The following SCN4A variants were observed in gnomAD, a reference collection of about 807,000 sequenced individuals.
The protein encoded by SCN4A is sodium voltage-gated channel alpha subunit 4.
In SCN4A, 83 loss-of-function variants were observed where a neutral mutation model predicts 162.0. The ratio of observed to expected loss-of-function variants is 0.51; its 90% confidence interval spans 0.43 to 0.61. SCN4A has a LOEUF of 0.61. Ranked by LOEUF, SCN4A falls within the 20% of genes least tolerant of loss-of-function variation. The pLI is 0.00. For missense variants in SCN4A, 2,196 were observed against 2,462.5 expected (o/e 0.89, Z 2.29); for synonymous variants, 944 against 985.1 (o/e 0.96, Z 0.78).
chr17:63,963,105 C>T (rs940908315), intron 10 of SCN4A, among the ~76,000 whole-genome samples: 5 of 152,156 alleles, frequency 3.3e-5, no homozygotes, highest in African/African-American at 9.7e-5. Flanking sequence ...TCCATCCGTC[C>T]GTCCATCCAT....
rs546117234 is a variant in SCN4A, at chr17:63,951,316, C to G, written c.2853+108G>C. The G allele has an allele frequency of 6.6e-6, 5 of 752,416 alleles. No individual in the cohort carries two copies. In the East Asian group the frequency reaches 8.0e-5, roughly 12 times the overall value. The allele number at this position is 752,416 out of a possible 1,614,324, so 46.6% of individuals were successfully genotyped here. A position where few individuals can be genotyped will look rare whatever the true frequency, so the allele number is the denominator to read the frequency against. On this transcript the variant is annotated intron_variant, in intron 14 of 23. Coordinates refer to ENST00000435607, the MANE Select transcript of SCN4A (RefSeq NM_000334.4). The surrounding 1 kb of genome is among the most constrained non-coding windows in gnomAD (Gnocchi z 4.5). Reference sequence around the variant, plus strand: ...CTTGCAACAATGCCATAGGGCACCACCCCCATTTTACAGCTGGAGAAACTG... The same window carrying G: ...CTTGCAACAATGCCATAGGGCACCAGCCCCATTTTACAGCTGGAGAAACTG...
At chr17:63,968,399 G>A (rs757359397) in intron 5 of SCN4A, 44 bp from the exon 6 acceptor site, 5 of 1,506,820 alleles carry the variant, frequency 3.3e-6, no homozygotes, top group Non-Finnish European at 4.5e-6. Flanking sequence ...GGCAGGGCAG[G>A]GTGATAACAG....
chr17:63,941,553 AGCAGATGCCGATGGAGGGGTTGCC>A lies in SCN4A; in HGVS notation c.4705_4728del (p.Gly1569_Cys1576del). 1 of 1,614,086 alleles carries A rather than the reference AGCAGATGCCGATGGAGGGGTTGCC, an allele frequency of 6.2e-7. No homozygotes were observed. ...GAGATGATGATATAGCTGCAGAAGA[AGCAGATGCCGATGGAGGGGTTGCC>A]GCAGTCACCCTTGACACTGGTGCCC... On this transcript the variant is annotated inframe_deletion, in exon 24 of 24. Transcript: ENST00000435607. The surrounding 1 kb of genome is among the most constrained non-coding windows in gnomAD (Gnocchi z 6.2).
In SCN4A at chr17:63,964,518, ACTC is replaced by A. The variant is rs745793970; in HGVS notation, c.1399_1401del (p.Glu467del). ...TTGAACTTCTCAAGCATCTGCTGAA[ACTC>A]CTCCTCTTTCTCCTTATCCTCGGCC... is the stretch of plus-strand genomic sequence containing the variant. On this transcript the variant is annotated inframe_deletion, in exon 9 of 24. Coordinates refer to ENST00000435607, the MANE Select transcript of SCN4A (RefSeq NM_000334.4). 18 of 1,612,012 alleles carry A rather than the reference ACTC, an allele frequency of 1.1e-5. No individual in the cohort carries two copies. In the Admixed American group the frequency reaches 1.2e-4, roughly 10 times the overall value.
chr17:63,953,192 C>G (rs1316431494), intron 13 of SCN4A, among the ~76,000 whole-genome samples: 2 of 152,056 alleles, frequency 1.3e-5, no homozygotes, highest in African/African-American at 2.4e-5. Flanking sequence ...AACCCCGTCT[C>G]TACTAAAAAT....
chr17:63,947,175 G>T lies in SCN4A; in HGVS notation c.3319-8C>A. On this transcript the variant is annotated splice_polypyrimidine_tract_variant and splice_region_variant and intron_variant, in intron 17 of 23. Transcript: ENST00000435607. ...CAAGCTGATGATGGAGACCTGCAGG[G>T]GAGGGGTGAGGGGATCAGTGCGTGC... is the stretch of plus-strand genomic sequence containing the variant. 2 of 1,612,942 alleles carry T rather than the reference G, an allele frequency of 1.2e-6. No individual in the cohort carries two copies. The highest frequency in any genetic ancestry group is 1.7e-6 in the Non-Finnish European group (2 of 1,179,772).
At chr17:63,948,470 C>A in intron 16 of SCN4A, 141 bp downstream of exon 16, 2 of 687,014 alleles carry the variant, frequency 2.9e-6, no homozygotes, top group South Asian at 4.2e-5. Flanking sequence ...ATCCCGGAGG[C>A]ACAGCGAGTT....
chr17:63,969,651 CT>C (rs376049044), intron 5 of SCN4A, among the ~76,000 whole-genome samples: 53 of 150,152 alleles, frequency 3.5e-4, no homozygotes, highest in Non-Finnish European at 5.8e-4. Context: ...CTTTTCTTTT[CT>C]TTTTTTTTTG....
rs541455106 is a variant in SCN4A, at chr17:63,971,713, C to T, written c.611+9G>A. On this transcript the variant is annotated intron_variant, in intron 4 of 23. Transcript: ENST00000435607. ...CCCAGCCTCAGGATGTCCTGGGGCC[C>T]CTGCTCACGCCATCATGATGACACT... is the stretch of plus-strand genomic sequence containing the variant. 16 of 1,579,354 alleles carry T rather than the reference C, an allele frequency of 1.0e-5. No homozygotes were observed. The African/African-American group carries it at 1.8e-4, about 17-fold the overall frequency.
intron 13 of SCN4A, among the ~76,000 whole-genome samples, chr17:63,954,676 G>A (rs1253371753): frequency 1.3e-5 from 2 of 152,200 alleles, no homozygotes; most frequent in Non-Finnish European, 2.9e-5. Context: ...GCAGACACCT[G>A]CTTCTCTGAA....
At chr17:63,964,324 C>T (rs1909363099) in intron 9 of SCN4A, 144 bp downstream of exon 9, 2 of 668,120 alleles carry the variant, frequency 3.0e-6, no homozygotes, top group East Asian at 2.7e-5. Context: ...AGCTCCCAGC[C>T]CAGGGCCTTC....
Position 63,941,676 on chromosome 17 carries a change from C to A in SCN4A, c.4606G>T (p.Ala1536Ser). The A allele has an allele frequency of 6.2e-7, 1 of 1,614,096 alleles. No homozygotes were observed. Among genetic ancestry groups the A allele is most frequent in the Non-Finnish European group, 8.5e-7 (1 of 1,180,014 alleles). Residue 1536 changes from alanine (A) to serine (S), a missense_variant, in exon 24 of 24, where the codon GCC becomes TCC. Physicochemically the swap from Ala to Ser is moderately conservative, Grantham distance 99. Transcript: ENST00000435607. This position sits in a 1 kb window ranked among gnomAD's most constrained non-coding sequence, Gnocchi z 6.2. ...GGGTTGAGGAGCCCGTCCCAGCCGG[C>A]CGACGTGGTGATCTCGAACAGGCAG... ...IICLFEITTS[A>S]GWDGLLNPIL...
Position 63,948,705 on chromosome 17 carries a change from C to T in SCN4A, c.3050G>A (p.Trp1017Ter). ...GAAGCAGGCCCTGCGCAGAGTCCACCACTTCTTCCCACGGCCCTGGGAGAT... is the reference window on the plus strand; with the variant it reads ...GAAGCAGGCCCTGCGCAGAGTCCACTACTTCTTCCCACGGCCCTGGGAGAT... ...VDISQGRGKK[W>*]WTLRRACFKI... The change falls in exon 16 of 24, where the codon TGG (tryptophan) becomes TAG (stop). Residue 1017 changes from tryptophan (W) to a stop codon, truncating the protein, a stop_gained. Transcript: ENST00000435607. LOFTEE classifies it high-confidence loss of function. 6.2e-7 allele frequency: 1 copy of T among 1,613,516 alleles called. No homozygotes were observed. The highest frequency in any genetic ancestry group is 1.1e-5 in the South Asian group (1 of 91,058).
At position 63,944,565 on chromosome 17, in the gene SCN4A, G is replaced by T. The variant is rs1252519522; in HGVS notation, c.3912+108C>A. 1.6e-6 allele frequency: 2 copies of T among 1,273,178 alleles called. No individual in the cohort carries two copies. Among genetic ancestry groups the T allele is most frequent in the African/African-American group, 1.5e-5 (1 of 67,184 alleles). The allele number at this position is 1,273,178 out of a possible 1,614,324, so 78.9% of individuals were successfully genotyped here. On this transcript the variant is annotated intron_variant, in intron 21 of 23. Transcript: ENST00000435607. The surrounding 1 kb of genome is among the most constrained non-coding windows in gnomAD (Gnocchi z 4.3). ...AGCTAGCTGCCTGAACCAACAACCT[G>T]GTAGGTGCTCAGGCAGCGTTTGTGG...
chr17:63,941,054 A>G lies in SCN4A; in HGVS notation c.5228T>C (p.Leu1743Pro). 1 of 1,613,914 alleles carries G rather than the reference A, an allele frequency of 6.2e-7. No homozygotes were observed. Among genetic ancestry groups the G allele is most frequent in the Non-Finnish European group, 8.5e-7 (1 of 1,179,854 alleles). ...KIQRAYRRHLLQRSMKQASYM... is the reference protein window; with the variant it reads ...KIQRAYRRHLPQRSMKQASYM... ...GGATGCCTGCTTCATGGAGCGCTGTAGCAGGTGCCGGCGGTAGGCCCTCTG... is the reference window on the plus strand; with the variant it reads ...GGATGCCTGCTTCATGGAGCGCTGTGGCAGGTGCCGGCGGTAGGCCCTCTG... Residue 1743 changes from leucine to proline, a missense_variant, in exon 24 of 24, where the codon CTA becomes CCA. Leu to Pro is a moderately conservative substitution (Grantham distance 98). Coordinates refer to ENST00000435607, the MANE Select transcript of SCN4A (RefSeq NM_000334.4). This position sits in a 1 kb window ranked among gnomAD's most constrained non-coding sequence, Gnocchi z 6.2.
chr17:63,947,755 G>A, intron 17 of SCN4A, 135 bp downstream of exon 17: 1 of 812,420 alleles, frequency 1.2e-6, no homozygotes, highest in Non-Finnish European at 1.9e-6. Context: ...GTCTGAGAAG[G>A]GCAGCACTGA....
chr17:63,960,005 A>G (rs998239332), intron 11 of SCN4A, among the ~76,000 whole-genome samples: 5 of 152,202 alleles, frequency 3.3e-5, no homozygotes, highest in African/African-American at 1.2e-4. Flanking sequence ...GGCAGACTCA[A>G]AGGTTTAGGG....
intron 13 of SCN4A, among the ~76,000 whole-genome samples, chr17:63,953,654 C>T (rs1374771013): frequency 2.0e-5 from 3 of 150,804 alleles, no homozygotes; most frequent in Non-Finnish European, 4.4e-5. Context: ...TGCACTCCAG[C>T]CTGGGTGACA....
rs1597972638 is a variant in SCN4A at position 63,950,066 on chromosome 17, T to C, written c.2854-538A>G. 1.3e-5 allele frequency among the ~76,000 whole-genome samples: 2 copies of C among 152,222 alleles called. No individual in the cohort carries two copies. Among genetic ancestry groups the C allele is most frequent in the African/African-American group, 4.8e-5 (2 of 41,538 alleles). ...CAGTGCCAAGGGAACCTGATCAGTG[T>C]TGGGAGCGGGAGTGGGGGAGGCGGG... On this transcript the variant is annotated intron_variant, in intron 14 of 23. Coordinates refer to ENST00000435607, the MANE Select transcript of SCN4A (RefSeq NM_000334.4). This position sits in a 1 kb window ranked among gnomAD's most constrained non-coding sequence, Gnocchi z 4.6.
Sources: allele counts gnomAD v4.1 joint callset (sites outside exome capture counted in the v4.1 genomes callset), GRCh38; gene constraint gnomAD v4.1.1; non-coding constraint Gnocchi (gnomAD v3.1); transcripts MANE v1.5; gene names NCBI Gene and HGNC (gene_info 2026-07-23, HGNC 2026-07-21).